Variants in PEX5L observed in about 807,000 individuals in gnomAD.
PEX5L encodes peroxisomal biogenesis factor 5 like.
PEX5L carries 30 observed loss-of-function variants against 84.0 expected under a neutral mutation model. The observed-to-expected ratio is 0.36, with a 90% confidence interval of 0.27 to 0.48. The LOEUF (loss-of-function observed/expected upper bound fraction) is 0.48. Among genes scored for constraint, PEX5L ranks in the 20% least tolerant of loss-of-function variants. The pLI is 0.99. For missense variants in PEX5L, 533 were observed against 754.6 expected (o/e 0.71, Z 3.44); for synonymous variants, 270 against 283.1 (o/e 0.95, Z 0.46).
At chr3:179,952,903 T>C (rs1385701771) in intron 2 of PEX5L, among the ~76,000 whole-genome samples, 1 of 151,874 alleles carries the variant, frequency 6.6e-6, no homozygotes, top group Non-Finnish European at 1.5e-5. Flanking sequence ...CCAAAACAGA[T>C]ATATAGACCA....
Position 179,971,642 on chromosome 3 carries a change from T to C in PEX5L, c.45A>G (p.Gly15=). The part of the protein sequence containing the change: ...HMQKSKEQGY[G]KLSSDEDLEI... ...CGAGGTCTTCATCACTGCTTAGTTTTCCATATCCTTGTTCTTTACTTTTCT... is the reference window on the plus strand; with the variant it reads ...CGAGGTCTTCATCACTGCTTAGTTTCCCATATCCTTGTTCTTTACTTTTCT... Residue 15 remains glycine (G), a synonymous_variant, in exon 2 of 15, where the codon GGA becomes GGG. Coordinates refer to ENST00000467460, the MANE Select transcript of PEX5L (RefSeq NM_016559.3). 2 of 1,607,552 alleles carry C rather than the reference T, an allele frequency of 1.2e-6. No homozygotes were observed. Among genetic ancestry groups the C allele is most frequent in the Non-Finnish European group, 1.7e-6 (2 of 1,177,196 alleles).
intron 2 of PEX5L, among the ~76,000 whole-genome samples, chr3:179,947,943 T>C (rs748030946): frequency 6.6e-6 from 1 of 152,068 alleles, no homozygotes; most frequent in African/African-American, 2.4e-5. Context: ...CCTGACCTCA[T>C]GATCTGCCTG....
intron 6 of PEX5L, among the ~76,000 whole-genome samples, chr3:179,874,755 T>TTTTTTTTTTTTTTTTTTTTTTTTA: frequency 8.6e-6 from 1 of 116,132 alleles, no homozygotes; most frequent in Admixed American, 9.2e-5. Flanking sequence ...TTTTTTTTTT[T>TTTTTTTTTTTTTTTTTTTTTTTTA]TTTTTTTGGT....
intron 1 of PEX5L, among the ~76,000 whole-genome samples, chr3:179,999,661 C>T (rs6772762): frequency 6.6e-6 from 1 of 152,232 alleles, no homozygotes; most frequent in African/African-American, 2.4e-5. Flanking sequence ...TTTGCCTATT[C>T]TGCATGCAAT....
chr3:179,876,038 G>A (rs545271408), intron 5 of PEX5L, among the ~76,000 whole-genome samples: 1 of 152,266 alleles, frequency 6.6e-6, no homozygotes, highest in Admixed American at 6.5e-5. Context: ...ATGGGGGAGA[G>A]AGAGAAAGGA....
At chr3:179,809,723 G>A in intron 11 of PEX5L, 55 bp from the exon 12 acceptor site, 1 of 1,348,188 alleles carries the variant, frequency 7.4e-7, no homozygotes, top group Non-Finnish European at 1.0e-6. Flanking sequence ...CAATCTAACA[G>A]TTCTTCAGAA....
At chr3:179,951,460 T>C (rs1434009201) in intron 2 of PEX5L, among the ~76,000 whole-genome samples, 1 of 151,962 alleles carries the variant, frequency 6.6e-6, no homozygotes, top group Non-Finnish European at 1.5e-5. Context: ...CTACAAAGAC[T>C]CCTTAAAAAA....
intron 2 of PEX5L, among the ~76,000 whole-genome samples, chr3:179,941,550 A>G (rs1221014923): frequency 6.6e-6 from 1 of 152,194 alleles, no homozygotes; most frequent in East Asian, 1.9e-4. Flanking sequence ...CAGGGAAGGT[A>G]TTTGTTCAAA....
At position 179,888,895 on chromosome 3, in the gene PEX5L, G is replaced by A. The variant is rs1397669045; in HGVS notation, c.199-1111C>T. ...TCCTCGCATCTCAGTATCCCAAATAGCTGTGACTACAGGTGTGCACCACTA... is the reference window on the plus strand; with the variant it reads ...TCCTCGCATCTCAGTATCCCAAATAACTGTGACTACAGGTGTGCACCACTA... On this transcript the variant is annotated intron_variant, in intron 3 of 14. Transcript: ENST00000467460. Among the ~76,000 whole-genome samples the A allele has an allele frequency of 6.5e-4, 98 of 151,902 alleles. 2 individuals are homozygous for A. The highest frequency in any genetic ancestry group is 6.4e-3 in the Admixed American group (98 of 15,250).
At chr3:179,954,126 T>G (rs920672259) in intron 2 of PEX5L, among the ~76,000 whole-genome samples, 2 of 151,678 alleles carry the variant, frequency 1.3e-5, no homozygotes, top group Non-Finnish European at 2.9e-5. Flanking sequence ...GAGATTTCTT[T>G]TTTTTTCTTT....
intron 2 of PEX5L, among the ~76,000 whole-genome samples, chr3:179,919,322 C>G (rs1354100246): frequency 6.6e-6 from 1 of 152,196 alleles, no homozygotes; most frequent in African/African-American, 2.4e-5. Flanking sequence ...CCACAGCAAG[C>G]AGCCTCTCTC....
chr3:179,990,378 T>C (rs1055223788), intron 1 of PEX5L, among the ~76,000 whole-genome samples: 1 of 150,090 alleles, frequency 6.7e-6, no homozygotes, highest in Non-Finnish European at 1.5e-5. Flanking sequence ...CTATTTCTCC[T>C]CACGGTATGT....
At chr3:179,857,448 A>G (rs949085626) in intron 8 of PEX5L, among the ~76,000 whole-genome samples, 4 of 152,256 alleles carry the variant, frequency 2.6e-5, no homozygotes, top group South Asian at 2.1e-4. Context: ...AAGTGTTCAA[A>G]TAAAACAGGG....
At chr3:179,995,145 C>A (rs1561036471) in intron 1 of PEX5L, among the ~76,000 whole-genome samples, 2 of 147,028 alleles carry the variant, frequency 1.4e-5, no homozygotes, top group Non-Finnish European at 3.0e-5. Context: ...TATACACACA[C>A]TATATACATA....
At chr3:179,869,560 G>T (rs962923455) in intron 7 of PEX5L, among the ~76,000 whole-genome samples, 1 of 152,126 alleles carries the variant, frequency 6.6e-6, no homozygotes, top group Non-Finnish European at 1.5e-5. Flanking sequence ...GGACGTGCCG[G>T]GTACTTTGAA....
At chr3:180,013,867 T>A (rs1312177318) in intron 1 of PEX5L, among the ~76,000 whole-genome samples, 2 of 152,236 alleles carry the variant, frequency 1.3e-5, no homozygotes. Flanking sequence ...TTTGTCCAAA[T>A]TTTCTACAAG....
intron 13 of PEX5L, 152 bp from the exon 14 acceptor site, chr3:179,807,983 C>T: frequency 1.4e-6 from 1 of 706,270 alleles, no homozygotes; most frequent in African/African-American, 1.8e-5. Context: ...AAAAAATCTT[C>T]ACGGACAGTT....
At chr3:179,897,327 G>C (rs1280034960) in intron 3 of PEX5L, among the ~76,000 whole-genome samples, 6 of 152,018 alleles carry the variant, frequency 3.9e-5, no homozygotes, top group Non-Finnish European at 7.4e-5. Context: ...ATAAATGCAA[G>C]TAAAAATATT....
intron 2 of PEX5L, among the ~76,000 whole-genome samples, chr3:179,905,467 G>T (rs1201531106): frequency 1.3e-5 from 2 of 151,982 alleles, no homozygotes; most frequent in Non-Finnish European, 2.9e-5. Flanking sequence ...TAGAGACGGG[G>T]TTTCACCGTG....
Sources: allele counts gnomAD v4.1 joint callset (sites outside exome capture counted in the v4.1 genomes callset), GRCh38; gene constraint gnomAD v4.1.1; transcripts MANE v1.5; gene names NCBI Gene and HGNC (gene_info 2026-07-23, HGNC 2026-07-21).